NOS1: variants seen among roughly 807,000 people sequenced by gnomAD.
The protein encoded by NOS1 is nitric oxide synthase 1.
A neutral mutation model predicts 164.5 loss-of-function variants in NOS1; 51 were observed. The observed-to-expected ratio is 0.31, with a 90% CI of 0.25 to 0.39. The LOEUF is 0.39. NOS1 is among the 10% of genes least tolerant of loss of function. The pLI, the probability that NOS1 is intolerant of heterozygous loss-of-function variation, is 1.00. For missense variants in NOS1, 1,362 were observed against 1,885.6 expected, an observed-to-expected ratio of 0.72 and a Z score of 5.14; for synonymous variants, 719 against 745.8, an observed-to-expected ratio of 0.96 and a Z score of 0.59.
chr12:117,237,294 G>A (rs571595922), intron 20 of NOS1, among the ~76,000 whole-genome samples: 1 of 152,104 alleles, frequency 6.6e-6, no homozygotes, highest in East Asian at 1.9e-4. Context: ...ACCATGCCCG[G>A]CTAGTTTTTG....
intron 1 of NOS1, among the ~76,000 whole-genome samples, chr12:117,341,514 C>T (rs753630967): frequency 9.2e-5 from 14 of 152,126 alleles, no homozygotes; most frequent in Non-Finnish European, 1.8e-4. Flanking sequence ...TGAGCTAGTT[C>T]GGCCAACGGG....
chr12:117,215,169 G>A lies in NOS1; in HGVS notation c.*140C>T, dbSNP rs144042938. 12 of 1,329,524 alleles carry A rather than the reference G, an allele frequency of 9.0e-6. No individual in the cohort carries two copies. Among genetic ancestry groups the A allele is most frequent in the Admixed American group, 8.8e-5 (3 of 33,992 alleles). The allele number at this position is 1,329,524 out of a possible 1,614,324, so 82.4% of individuals were successfully genotyped here. ...AGGGCCGAGGAAACCACTGAGGGGC[G>A]AGAAGCCCGAGGAGGGAAACCAGGG... On this transcript the variant is annotated 3_prime_UTR_variant, in exon 29 of 29. Transcript: ENST00000317775.
At chr12:117,313,549 G>A (rs1306211296) in intron 2 of NOS1, among the ~76,000 whole-genome samples, 18 of 152,122 alleles carry the variant, frequency 1.2e-4, no homozygotes, top group Non-Finnish European at 1.5e-5. Flanking sequence ...TCTTGCCTCG[G>A]CCTCTCAAAG....
intron 2 of NOS1, among the ~76,000 whole-genome samples, chr12:117,313,469 G>GT (rs146610042): frequency 6.6e-6 from 1 of 152,030 alleles, no homozygotes; most frequent in Non-Finnish European, 1.5e-5. Context: ...AATGTTTTAA[G>GT]TTTTTTTGTA....
Position 117,253,699 on chromosome 12 carries a change from A to G in NOS1, c.2587T>C (p.Ser863Pro), listed in dbSNP as rs1053020631. Reference sequence around the variant, plus strand: ...TCTCTGAGGTCGGGCCCATCGCCTGATGATTTTTGGGAGTCAGAGTAGGAG... The same window carrying G: ...TCTCTGAGGTCGGGCCCATCGCCTGGTGATTTTTGGGAGTCAGAGTAGGAG... ...VSSYSDSQKSSGDGPDLRDNF... is the reference protein window; with the variant it reads ...VSSYSDSQKSPGDGPDLRDNF... Residue 863 changes from serine to proline, a missense_variant, in exon 17 of 29, where the codon TCA becomes CCA. This residue lies in a region of NOS1 where 737 missense variants were observed against 1,030.3 expected (regional missense o/e 0.72). Coordinates refer to ENST00000317775, the MANE Select transcript of NOS1 (RefSeq NM_000620.5). 1 of 1,614,012 alleles carries G rather than the reference A, an allele frequency of 6.2e-7. No individual in the cohort carries two copies. The highest frequency in any genetic ancestry group is 2.2e-5 in the East Asian group (1 of 44,866).
intron 1 of NOS1, among the ~76,000 whole-genome samples, chr12:117,332,508 C>T (rs1875595335): frequency 6.6e-6 from 1 of 152,048 alleles, no homozygotes; most frequent in African/African-American, 2.4e-5. Flanking sequence ...GGGAGGATCG[C>T]ATTAGCCCAG....
intron 2 of NOS1, among the ~76,000 whole-genome samples, chr12:117,319,404 T>C (rs1874811608): frequency 6.6e-6 from 1 of 152,208 alleles, no homozygotes; most frequent in South Asian, 2.1e-4. Context: ...AGCTGGGAAG[T>C]GAGGAGAGGG....
intron 16 of NOS1, chr12:117,255,852 A>T: frequency 1.3e-6 from 1 of 769,198 alleles, no homozygotes; most frequent in Non-Finnish European, 1.9e-6. Context: ...CTTGAGACCT[A>T]GATGTGTGGC....
In NOS1 at chr12:117,272,475, C is replaced by T. The variant is rs1369321706; in HGVS notation, c.1749G>A (p.Glu583=). ...AGCCACTGAAGGGACAGGCGCTGAA[C>T]TCCAGGCCGCCAATCTCTAGGAGCA... is the stretch of plus-strand genomic sequence containing the variant. ...SNMLLEIGGL[E]FSACPFSGWY... The change falls in exon 10 of 29, where the codon GAG becomes GAA. Residue 583 remains glutamate, a synonymous_variant. Coordinates refer to ENST00000317775, the MANE Select transcript of NOS1 (RefSeq NM_000620.5). This position sits in a 1 kb window ranked among gnomAD's most constrained non-coding sequence, Gnocchi z 4.3. 6.2e-7 allele frequency: 1 copy of T among 1,614,054 alleles called. No individual in the cohort carries two copies. Among genetic ancestry groups the T allele is most frequent in the African/African-American group, 1.3e-5 (1 of 74,922 alleles).
At chr12:117,221,255 C>G (rs1038612760) in intron 26 of NOS1, among the ~76,000 whole-genome samples, 1 of 151,536 alleles carries the variant, frequency 6.6e-6, no homozygotes, top group African/African-American at 2.4e-5. Flanking sequence ...CAGGTTCAAG[C>G]CTTCCTCCTG....
At chr12:117,219,303 G>T (rs112022549) in intron 27 of NOS1, among the ~76,000 whole-genome samples, 14,324 of 149,558 alleles carry the variant, frequency 0.096, 1,094 homozygotes, top group Admixed American at 0.28. Flanking sequence ...GTTTTGTTTT[G>T]TTTTTTTTGT....
In NOS1 at chr12:117,311,789, T is replaced by G. The variant is rs557683110; in HGVS notation, c.726-197A>C. Among the ~76,000 whole-genome samples, 134 of 152,314 alleles carry G rather than the reference T, an allele frequency of 8.8e-4. 2 individuals carry two copies. In the East Asian group the frequency reaches 0.022, roughly 25 times the overall value. ...ACACGTGGGAAGGCAGCTCTGGGTG[T>G]CAATCACAAAGGGAGCTCATCCAAG... is the stretch of plus-strand genomic sequence containing the variant. On this transcript the variant is annotated intron_variant, in intron 2 of 28. Coordinates refer to ENST00000317775, the MANE Select transcript of NOS1 (RefSeq NM_000620.5).
chr12:117,219,246 G>A (rs1956660704), intron 27 of NOS1, among the ~76,000 whole-genome samples: 1 of 152,054 alleles, frequency 6.6e-6, no homozygotes, highest in African/African-American at 2.4e-5. Context: ...CTCCCAAAAT[G>A]TTGAGATTAC....
At position 117,211,060 on chromosome 12, in the gene NOS1, G is replaced by A. The variant is rs537249510; in HGVS notation, c.*4249C>T. 28 of 639,638 alleles carry A rather than the reference G, an allele frequency of 4.4e-5. No individual in the cohort carries two copies. The highest frequency in any genetic ancestry group is 2.8e-4 in the East Asian group (2 of 7,240). 39.6% of individuals were successfully genotyped at this position (639,638 alleles called of 1,614,324 possible). On this transcript the variant is annotated 3_prime_UTR_variant, in exon 29 of 29. Transcript: ENST00000317775. ...CAGCCTCCACCTCCTGGGCTCAAGCGATCCTCCTTCCTCAGCCTCCCAGGT... is the reference window on the plus strand; with the variant it reads ...CAGCCTCCACCTCCTGGGCTCAAGCAATCCTCCTTCCTCAGCCTCCCAGGT...
At chr12:117,233,852 T>C (rs1326093260) in intron 21 of NOS1, among the ~76,000 whole-genome samples, 1 of 149,012 alleles carries the variant, frequency 6.7e-6, no homozygotes, top group East Asian at 2.0e-4. Context: ...CTCTCTAAAG[T>C]AGTGCCTTCC....
intron 25 of NOS1, among the ~76,000 whole-genome samples, chr12:117,223,991 T>C (rs1868421164): frequency 6.6e-6 from 1 of 152,148 alleles, no homozygotes; most frequent in Non-Finnish European, 1.5e-5. Flanking sequence ...GCTTCCCTAT[T>C]TGCAAAATGG....
In NOS1 at chr12:117,212,125, A is replaced by G. The variant is rs1367924910; in HGVS notation, c.*3184T>C. ...GAACTGTGTTTTGCTTATCTCTGCA[A>G]ACTGCCCGGTGCCTTCCACACACTG... On this transcript the variant is annotated 3_prime_UTR_variant, in exon 29 of 29. Coordinates refer to ENST00000317775, the MANE Select transcript of NOS1 (RefSeq NM_000620.5). The G allele has an allele frequency of 2.0e-6, 2 of 985,308 alleles. No individual in the cohort carries two copies. Among genetic ancestry groups the G allele is most frequent in the African/African-American group, 3.5e-5 (2 of 57,230 alleles). The allele number at this position is 985,308 out of a possible 1,614,324, so 61.0% of individuals were successfully genotyped here. A position where few individuals can be genotyped will look rare whatever the true frequency, so the allele number is the denominator to read the frequency against.
chr12:117,231,781 C>T (rs1466899376), intron 22 of NOS1, among the ~76,000 whole-genome samples, 181 bp downstream of exon 22: 1 of 152,150 alleles, frequency 6.6e-6, no homozygotes, highest in African/African-American at 2.4e-5. Context: ...CTCTGCCAGG[C>T]CTTAGAACTG....
At chr12:117,219,753 T>TG (rs1956671462) in intron 27 of NOS1, among the ~76,000 whole-genome samples, 1 of 152,170 alleles carries the variant, frequency 6.6e-6, no homozygotes, top group South Asian at 2.1e-4. Flanking sequence ...CACAACTACA[T>TG]GGGGCAGTGC....
Sources: gnomAD v4.1 joint callset for allele counts (sites outside exome capture counted in the v4.1 genomes callset) on GRCh38, gnomAD v4.1.1 for gene constraint, gnomAD v4.1.1 regional missense constraint, Gnocchi (gnomAD v3.1) non-coding constraint, MANE v1.5 for transcripts, NCBI Gene and HGNC (gene_info 2026-07-23, HGNC 2026-07-21) for gene names.